RIC1: variants seen among roughly 807,000 people sequenced by gnomAD.
RIC1 encodes RIC1 partner of RAB6A GEF complex.
Under a neutral mutation model 169.0 loss-of-function variants are expected in RIC1, and 88 were observed. That is an observed-to-expected ratio of 0.52 (90% CI 0.44 to 0.62). RIC1 has a LOEUF of 0.62. Among genes scored for constraint, RIC1 ranks in the 20% least tolerant of loss-of-function variants. The pLI is 0.00. For missense variants in RIC1, 1,877 were observed against 1,725.5 expected, an observed-to-expected ratio of 1.09 and a Z score of -1.56; for synonymous variants, 790 against 601.5, an observed-to-expected ratio of 1.31 and a Z score of -4.59.
At position 5,774,209 on chromosome 9, in the gene RIC1, C is replaced by G. The variant is rs748026732; in HGVS notation, c.4235C>G (p.Pro1412Arg). ...EDTAQAEEEE[P>R]FQDGTYDCSV... is the part of the protein sequence containing the mutation. ...ACAGCCCAAGCAGAGGAGGAAGAAC[C>G]TTTTCAGGATGGGACTTACGACTGT... Residue 1412 changes from proline to arginine, a missense_variant, in exon 26 of 26, where the codon CCT becomes CGT. By Grantham distance (103) the Pro-to-Arg change is moderately radical (BLOSUM62 -2). This residue lies in a region of RIC1 where 681 missense variants were observed against 582.0 expected (regional missense o/e 1.17). Transcript: ENST00000414202. 30 of 1,613,134 alleles carry G rather than the reference C, an allele frequency of 1.9e-5. No homozygotes were observed. Among genetic ancestry groups the G allele is most frequent in the Admixed American group, 3.3e-5 (2 of 59,936 alleles).
intron 2 of RIC1, among the ~76,000 whole-genome samples, chr9:5,666,596 A>G (rs907888133): frequency 2.0e-5 from 3 of 152,158 alleles, no homozygotes; most frequent in Admixed American, 1.3e-4. Context: ...TTATTGTTAA[A>G]GGTGTTAAAT....
intron 2 of RIC1, among the ~76,000 whole-genome samples, chr9:5,674,198 T>G (rs1820297253): frequency 6.6e-6 from 1 of 152,186 alleles, no homozygotes; most frequent in Non-Finnish European, 1.5e-5. Flanking sequence ...TGGCAGTTTA[T>G]TTTTGTTACT....
chr9:5,637,563 C>G (rs1333226687), intron 1 of RIC1, among the ~76,000 whole-genome samples: 1 of 152,158 alleles, frequency 6.6e-6, no homozygotes, highest in East Asian at 1.9e-4. Flanking sequence ...TACTCATTCT[C>G]TTTTTTTGTA....
chr9:5,766,291 T>G (rs895104042), intron 21 of RIC1, among the ~76,000 whole-genome samples: 1 of 152,208 alleles, frequency 6.6e-6, no homozygotes, highest in African/African-American at 2.4e-5. Flanking sequence ...TCCACCTGCC[T>G]CTGCTTCCCA....
chr9:5,718,433 C>T (rs1038020813), intron 4 of RIC1, among the ~76,000 whole-genome samples: 27 of 152,272 alleles, frequency 1.8e-4, no homozygotes, highest in East Asian at 7.7e-4. Context: ...AAGGGGTCTT[C>T]CCTGGAGCCC....
chr9:5,674,819 G>A (rs114482530), intron 2 of RIC1, among the ~76,000 whole-genome samples: 5 of 152,062 alleles, frequency 3.3e-5, no homozygotes, highest in Non-Finnish European at 5.9e-5. Flanking sequence ...TTGGAGAAAG[G>A]CACAGATCAC....
intron 17 of RIC1, among the ~76,000 whole-genome samples, chr9:5,762,161 C>T (rs1826378305): frequency 2.0e-5 from 3 of 152,186 alleles, no homozygotes; most frequent in Non-Finnish European, 4.4e-5. Flanking sequence ...CCTTACTCTC[C>T]CACACGTGTA....
intron 21 of RIC1, among the ~76,000 whole-genome samples, chr9:5,767,099 ATGAT>A (rs1826825092): frequency 6.6e-6 from 1 of 152,252 alleles, no homozygotes; most frequent in African/African-American, 2.4e-5. Flanking sequence ...ATTACCTCTG[ATGAT>A]AGAGGACCAA....
At chr9:5,740,577 C>A (rs1825019651) in intron 8 of RIC1, among the ~76,000 whole-genome samples, 1 of 151,390 alleles carries the variant, frequency 6.6e-6, no homozygotes, top group Admixed American at 6.6e-5. Context: ...GTCCGAGTTC[C>A]AAAACTGAAG....
chr9:5,684,372 A>G (rs1821079453), intron 2 of RIC1, among the ~76,000 whole-genome samples: 1 of 141,570 alleles, frequency 7.1e-6, no homozygotes, highest in Non-Finnish European at 1.5e-5. Context: ...CTTTGGATCC[A>G]TTTGGGGAGA....
intron 4 of RIC1, chr9:5,719,212 G>A (rs10975260): frequency 0.42 from 63,223 of 151,802 alleles, 14,467 homozygotes; most frequent in East Asian, 0.87. Flanking sequence ...GTACCTTTGC[G>A]GTCTCATTTA....
At chr9:5,747,219 T>C (rs1320049372) in intron 11 of RIC1, 83 bp from the exon 12 acceptor site, 1 of 968,268 alleles carries the variant, frequency 1.0e-6, no homozygotes, top group Non-Finnish European at 1.6e-6. Flanking sequence ...ACTAAATCGA[T>C]GTGTTATTTT....
chr9:5,692,632 T>C (rs534079151), intron 3 of RIC1, among the ~76,000 whole-genome samples: 4 of 152,214 alleles, frequency 2.6e-5, no homozygotes, highest in African/African-American at 9.6e-5. Context: ...TTACTTAGTC[T>C]AGTGAGTTTC....
intron 3 of RIC1, among the ~76,000 whole-genome samples, chr9:5,703,128 A>C (rs1216529581): frequency 6.6e-6 from 1 of 152,204 alleles, no homozygotes; most frequent in African/African-American, 2.4e-5. Flanking sequence ...TTAACTCAAA[A>C]GTCCGAAGTC....
chr9:5,644,515 A>C (rs1441047144), intron 1 of RIC1, among the ~76,000 whole-genome samples: 1 of 152,204 alleles, frequency 6.6e-6, no homozygotes, highest in Admixed American at 6.5e-5. Context: ...CACATAAGTA[A>C]CTTCTTATCC....
chr9:5,723,213 G>C (rs1395594212), intron 6 of RIC1, among the ~76,000 whole-genome samples: 1 of 152,086 alleles, frequency 6.6e-6, no homozygotes, highest in East Asian at 1.9e-4. Flanking sequence ...TCCTCTCCAG[G>C]ACCTATTGTT....
At position 5,774,929 on chromosome 9, in the gene RIC1, C is replaced by A. The variant is rs973323334; in HGVS notation, c.*683C>A. 6.6e-6 allele frequency: 1 copy of A among 152,174 alleles called. No homozygotes were observed. Among genetic ancestry groups the A allele is most frequent in the Non-Finnish European group, 1.5e-5 (1 of 68,026 alleles). 9.4% of individuals were successfully genotyped at this position (152,174 alleles called of 1,614,324 possible). A position where few individuals can be genotyped will look rare whatever the true frequency, so the allele number is the denominator to read the frequency against. On this transcript the variant is annotated 3_prime_UTR_variant, in exon 26 of 26. Transcript: ENST00000414202. ...TTCTTCTCAATTTTGCTGTTAGATA[C>A]CACTAAACTATTTTGTATTAAAGAA... is the stretch of plus-strand genomic sequence containing the variant.
At chr9:5,635,520 A>C (rs1411751914) in intron 1 of RIC1, among the ~76,000 whole-genome samples, 1 of 152,142 alleles carries the variant, frequency 6.6e-6, no homozygotes, top group African/African-American at 2.4e-5. Flanking sequence ...TCTGGACTCC[A>C]TTCTGTTGCA....
chr9:5,672,354 G>C (rs945470741), intron 2 of RIC1, among the ~76,000 whole-genome samples: 5 of 152,242 alleles, frequency 3.3e-5, no homozygotes, highest in African/African-American at 1.2e-4. Flanking sequence ...GAAGAATGTA[G>C]TAAATTAAGA....
Sources: gnomAD v4.1 joint callset for allele counts (sites outside exome capture counted in the v4.1 genomes callset) on GRCh38, gnomAD v4.1.1 for gene constraint, gnomAD v4.1.1 regional missense constraint, MANE v1.5 for transcripts, NCBI Gene and HGNC (gene_info 2026-07-23, HGNC 2026-07-21) for gene names.